The following MAGI2 variants were observed in gnomAD, a reference collection of about 807,000 sequenced individuals.
The protein encoded by MAGI2 is membrane associated guanylate kinase, WW and PDZ domain containing 2, also known as membrane-associated guanylate kinase, WW and PDZ domain-containing protein 2.
A neutral mutation model predicts 133.3 loss-of-function variants in MAGI2; 35 were observed. The ratio of observed to expected loss-of-function variants is 0.26; its 90% CI spans 0.20 to 0.35. The LOEUF (loss-of-function observed/expected upper bound fraction) is 0.35, where lower values mean the gene tolerates loss of function less well. MAGI2 is among the 10% of genes least tolerant of loss of function. The probability of loss-of-function intolerance (pLI) is 1.00; values close to 1 mark genes in which losing one functional copy is unlikely to be tolerated. For synonymous variants in MAGI2, 729 were observed against 710.6 expected (o/e 1.03, Z -0.41); for missense variants, 1,636 against 1,863.4 (o/e 0.88, Z 2.25).
At chr7:78,400,530 G>C (rs1446491898) in intron 6 of MAGI2, among the ~76,000 whole-genome samples, 1 of 152,164 alleles carries the variant, frequency 6.6e-6, no homozygotes, top group Admixed American at 6.5e-5. Flanking sequence ...ATCAGATCTT[G>C]TGTTTTTATT....
chr7:78,204,753 G>A (rs1321628326), intron 10 of MAGI2, among the ~76,000 whole-genome samples: 3 of 152,110 alleles, frequency 2.0e-5, no homozygotes, highest in Non-Finnish European at 4.4e-5. Context: ...TATGATAAAA[G>A]CAAAAGAGCT....
At chr7:78,434,994 A>G (rs1182711717) in intron 6 of MAGI2, among the ~76,000 whole-genome samples, 2 of 152,050 alleles carry the variant, frequency 1.3e-5, no homozygotes, top group Non-Finnish European at 2.9e-5. Flanking sequence ...CCTAAACTCA[A>G]TCCCTAAATG....
chr7:78,892,462 C>T lies in MAGI2; in HGVS notation c.418+114628G>A, dbSNP rs566144194. Among the ~76,000 whole-genome samples the T allele has an allele frequency of 3.4e-4, 52 of 152,212 alleles. No individual in the cohort carries two copies. The South Asian group carries it at 0.011, about 32-fold the overall frequency. The stretch of plus-strand genomic sequence containing the variant: ...AAAGAACAAAGCCGGAGGCATCATG[C>T]TACCTGACTTCAAACTATACTACAA... On this transcript the variant is annotated intron_variant, in intron 2 of 21. Coordinates refer to ENST00000354212, the MANE Select transcript of MAGI2 (RefSeq NM_012301.4).
At chr7:79,322,861 T>C (rs914841138) in intron 1 of MAGI2, among the ~76,000 whole-genome samples, 4 of 152,064 alleles carry the variant, frequency 2.6e-5, no homozygotes, top group African/African-American at 9.7e-5. Flanking sequence ...CACTTAAAAT[T>C]GTGCATTAAG....
intron 6 of MAGI2, among the ~76,000 whole-genome samples, chr7:78,397,628 T>C (rs1348578986): frequency 6.6e-6 from 1 of 152,110 alleles, no homozygotes; most frequent in Admixed American, 6.6e-5. Flanking sequence ...CTCCAGGAAC[T>C]CACAGAAACC....
chr7:78,836,807 G>T (rs563291834), intron 2 of MAGI2, among the ~76,000 whole-genome samples: 1 of 152,272 alleles, frequency 6.6e-6, no homozygotes, highest in South Asian at 2.1e-4. Flanking sequence ...TATTTAAGGT[G>T]CTGAACCCTG....
chr7:78,919,513 G>A (rs771790253), intron 2 of MAGI2, among the ~76,000 whole-genome samples: 1 of 152,020 alleles, frequency 6.6e-6, no homozygotes, highest in Non-Finnish European at 1.5e-5. Context: ...TAGCATAATA[G>A]CATTTCAACA....
intron 1 of MAGI2, among the ~76,000 whole-genome samples, chr7:79,386,585 A>G (rs1844197611): frequency 1.3e-5 from 2 of 152,254 alleles, no homozygotes; most frequent in East Asian, 1.9e-4. Context: ...GCCAAGCTAT[A>G]GTTACTCTAA....
intron 1 of MAGI2, among the ~76,000 whole-genome samples, chr7:79,314,359 T>A (rs1838540267): frequency 6.6e-6 from 1 of 152,188 alleles, no homozygotes; most frequent in Non-Finnish European, 1.5e-5. Context: ...TCCACCTGCC[T>A]TGGCCTCCCA....
chr7:78,573,035 GTATATATATATA>G (rs765938732), intron 3 of MAGI2, among the ~76,000 whole-genome samples: 1,059 of 31,680 alleles, frequency 0.033, 29 homozygotes, highest in South Asian at 0.1. Flanking sequence ...GCATATGTAT[GTATATATATATA>G]TATATATATA....
chr7:78,895,334 A>T (rs189333422), intron 2 of MAGI2, among the ~76,000 whole-genome samples: 1 of 152,074 alleles, frequency 6.6e-6, no homozygotes, highest in East Asian at 1.9e-4. Context: ...TTAGAAACAA[A>T]TTTTTTTTCT....
At chr7:78,754,965 C>CT (rs1315866755) in intron 2 of MAGI2, among the ~76,000 whole-genome samples, 4 of 152,100 alleles carry the variant, frequency 2.6e-5, no homozygotes, top group African/African-American at 9.7e-5. Flanking sequence ...TTTAGCATGC[C>CT]TTTTTTCACC....
chr7:79,292,545 A>T (rs1285885271), intron 1 of MAGI2, among the ~76,000 whole-genome samples: 6 of 151,868 alleles, frequency 4.0e-5, no homozygotes, highest in Non-Finnish European at 7.4e-5. Context: ...GGCAAACAGA[A>T]TCACTTGAAC....
chr7:79,125,785 G>T, intron 1 of MAGI2: 1 of 516,810 alleles, frequency 1.9e-6, no homozygotes, highest in Non-Finnish European at 3.8e-6. Context: ...GGTTCCAGTG[G>T]CAGCAGTAGC....
intron 2 of MAGI2, among the ~76,000 whole-genome samples, chr7:78,695,259 T>A (rs73147030): frequency 0.03 from 4,540 of 152,226 alleles, 114 homozygotes; most frequent in Non-Finnish European, 0.046. Context: ...ATAAAATGTC[T>A]CCTGAATTGT....
intron 6 of MAGI2, among the ~76,000 whole-genome samples, chr7:78,420,274 G>C (rs576015964): frequency 6.6e-6 from 1 of 152,148 alleles, no homozygotes; most frequent in Non-Finnish European, 1.5e-5. Context: ...CACACCAACT[G>C]TTCTTGGCAG....
chr7:79,277,455 G>A (rs1286595868), intron 1 of MAGI2, among the ~76,000 whole-genome samples: 2 of 152,022 alleles, frequency 1.3e-5, no homozygotes, highest in African/African-American at 4.8e-5. Context: ...TCACTTTATT[G>A]TGGTGGTCTG....
intron 6 of MAGI2, among the ~76,000 whole-genome samples, chr7:78,477,928 T>TA (rs960796047): frequency 4.8e-4 from 60 of 125,080 alleles, no homozygotes; most frequent in African/African-American, 1.9e-3. Flanking sequence ...ATTTTATTTT[T>TA]ATTTTTTTAT....
In MAGI2 at chr7:78,979,184, C is replaced by G. The variant is rs142311751; in HGVS notation, c.418+27906G>C. Among the ~76,000 whole-genome samples the G allele has an allele frequency of 1.3e-3, 194 of 151,836 alleles. 1 individual carries two copies. The highest frequency in any genetic ancestry group is 4.4e-3 in the African/African-American group (182 of 41,478). The stretch of plus-strand genomic sequence containing the variant: ...TGTAACAGGCTTAGAGGAAATGACA[C>G]CCCAGTAGTAATGAGCATACCAAGT... On this transcript the variant is annotated intron_variant, in intron 2 of 21. Coordinates refer to ENST00000354212, the MANE Select transcript of MAGI2 (RefSeq NM_012301.4).
Sources: gnomAD v4.1 joint callset for allele counts (sites outside exome capture counted in the v4.1 genomes callset) on GRCh38, gnomAD v4.1.1 for gene constraint, MANE v1.5 for transcripts, NCBI Gene and HGNC (gene_info 2026-07-23, HGNC 2026-07-21) for gene names.